Variants in ABI3BP observed in about 807,000 individuals in gnomAD.
ABI3BP encodes target of Nesh-SH3.
A neutral mutation model predicts 268.6 loss-of-function variants in ABI3BP; 216 were observed. The observed-to-expected ratio is 0.80, with a 90% confidence interval of 0.72 to 0.90. The LOEUF (loss-of-function observed/expected upper bound fraction) is 0.90. Ranked by LOEUF, ABI3BP falls within the 40% of genes least tolerant of loss-of-function variation. The pLI, the probability that ABI3BP is intolerant of heterozygous loss-of-function variation, is 0.00. For synonymous variants in ABI3BP, 730 were observed against 730.0 expected (o/e 1.00, Z 0.00); for missense variants, 2,090 against 2,182.4 (o/e 0.96, Z 0.84).
Position 100,911,768 on chromosome 3 carries a change from T to C in ABI3BP, c.260-9082A>G, listed in dbSNP as rs556513422. ...TCAGTCGATGAGTAGCGTAGCTTTCTGTTATTATACTTGGTGTTAATAGCA... is the reference window on the plus strand; with the variant it reads ...TCAGTCGATGAGTAGCGTAGCTTTCCGTTATTATACTTGGTGTTAATAGCA... On this transcript the variant is annotated intron_variant, in intron 2 of 67. Transcript: ENST00000471714. 2.9e-5 allele frequency: 31 copies of C among 1,078,848 alleles called. No individual in the cohort carries two copies. The East Asian group carries it at 6.4e-4, about 22-fold the overall frequency. The allele number at this position is 1,078,848 out of a possible 1,614,324, so 66.8% of individuals were successfully genotyped here. A position where few individuals can be genotyped will look rare whatever the true frequency, so the allele number is the denominator to read the frequency against.
chr3:100,756,970 C>CTG (rs1266700072), intron 63 of ABI3BP, among the ~76,000 whole-genome samples: 6 of 143,624 alleles, frequency 4.2e-5, no homozygotes, highest in African/African-American at 1.2e-4. Flanking sequence ...AGATGAATGA[C>CTG]ATCATAGGTC....
At position 100,821,085 on chromosome 3, in the gene ABI3BP, T is replaced by A; in HGVS notation, c.2916A>T (p.Thr972=). 1 of 1,535,960 alleles carries A rather than the reference T, an allele frequency of 6.5e-7. No homozygotes were observed. Among genetic ancestry groups the A allele is most frequent in the Non-Finnish European group, 8.7e-7 (1 of 1,146,780 alleles). Residue 972 remains threonine, a synonymous_variant, in exon 39 of 68, where the codon ACA becomes ACT. Transcript: ENST00000471714. ...TTGTCACCCAAGTCTCAGTTCTGAGTGTAACAGGTTTGAGCTCCGCAGTAG... is the reference window on the plus strand; with the variant it reads ...TTGTCACCCAAGTCTCAGTTCTGAGAGTAACAGGTTTGAGCTCCGCAGTAG... ...PVPTAELKPV[T]LRTETWVTTQ...
rs73861803 is a variant in ABI3BP at position 100,991,450 on chromosome 3, G to A, written c.79+1856C>T. Among the ~76,000 whole-genome samples the A allele has an allele frequency of 4.5e-3, 687 of 152,250 alleles. 8 individuals are homozygous for A. Among genetic ancestry groups the A allele is most frequent in the African/African-American group, 0.015 (614 of 41,528 alleles). ...TTGTACAGGTTTCTTTATTGAGAATGTGCAAACTGCTAACACTTATTGTGA... is the reference window on the plus strand; with the variant it reads ...TTGTACAGGTTTCTTTATTGAGAATATGCAAACTGCTAACACTTATTGTGA... On this transcript the variant is annotated intron_variant, in intron 1 of 67. Transcript: ENST00000471714.
intron 55 of ABI3BP, among the ~76,000 whole-genome samples, chr3:100,792,153 A>G (rs2097213298): frequency 6.6e-6 from 1 of 151,934 alleles, no homozygotes; most frequent in Non-Finnish European, 1.5e-5. Context: ...CCCCAAAAGC[A>G]GAAAATCACA....
intron 1 of ABI3BP, among the ~76,000 whole-genome samples, chr3:100,991,481 C>G (rs1400763501): frequency 6.6e-6 from 1 of 152,018 alleles, no homozygotes; most frequent in East Asian, 1.9e-4. Context: ...TGTGATTCCC[C>G]CCTTAAAGAC....
At chr3:100,777,305 G>C (rs1308588045) in intron 59 of ABI3BP, among the ~76,000 whole-genome samples, 1 of 152,154 alleles carries the variant, frequency 6.6e-6, no homozygotes, top group East Asian at 1.9e-4. Flanking sequence ...AGGAAAGATG[G>C]GGAACATGCT....
intron 6 of ABI3BP, among the ~76,000 whole-genome samples, chr3:100,884,158 A>C (rs987239895): frequency 6.6e-6 from 1 of 152,070 alleles, no homozygotes; most frequent in Non-Finnish European, 1.5e-5. Context: ...TAGTTTTGTT[A>C]TAGGTAACCT....
intron 49 of ABI3BP, among the ~76,000 whole-genome samples, chr3:100,809,292 T>C (rs556983960): frequency 1.3e-5 from 2 of 152,138 alleles, no homozygotes; most frequent in East Asian, 3.9e-4. Flanking sequence ...TAAAATTCTG[T>C]CATTCCAGCA....
chr3:100,990,387 G>T (rs2092722855), intron 1 of ABI3BP, among the ~76,000 whole-genome samples: 1 of 151,846 alleles, frequency 6.6e-6, no homozygotes, highest in African/African-American at 2.4e-5. Flanking sequence ...TAAATAATTT[G>T]ACAAAACTAT....
Position 100,872,680 on chromosome 3 carries a change from A to G in ABI3BP, c.910+2161T>C, listed in dbSNP as rs149694148. ...AGAGAACAGGTTAATGTAAGAGTCC[A>G]GAGCTTTAACTCTTCCAAACACAGA... On this transcript the variant is annotated intron_variant, in intron 9 of 67. Coordinates refer to ENST00000471714, the MANE Select transcript of ABI3BP (RefSeq NM_001375547.2). Among the ~76,000 whole-genome samples, 16 of 152,358 alleles carry G rather than the reference A, an allele frequency of 1.1e-4. No individual in the cohort carries two copies. In the East Asian group the frequency reaches 2.7e-3, roughly 26 times the overall value.
In ABI3BP at chr3:100,898,812, G is replaced by A. The variant is rs2048850617; in HGVS notation, c.411C>T (p.Leu137=). Residue 137 remains leucine (L), a synonymous_variant, in exon 4 of 68, where the codon CTC becomes CTT. Transcript: ENST00000471714. ...ATGTCCAGTCATGGTGTGGGTTGAT[G>A]AGGAAACCCCAGGACAGGAAGACCG... ...PSSVFLSWGF[L]INPHHDWTLP... 6.2e-7 allele frequency: 1 copy of A among 1,613,684 alleles called. No individual in the cohort carries two copies. The highest frequency in any genetic ancestry group is 1.7e-5 in the Admixed American group (1 of 59,990).
intron 4 of ABI3BP, among the ~76,000 whole-genome samples, chr3:100,887,517 T>C (rs976581891): frequency 1.2e-4 from 18 of 152,044 alleles, no homozygotes; most frequent in Admixed American, 3.9e-4. Flanking sequence ...ATGGGGTCAA[T>C]AGGTAAACTT....
chr3:100,834,898 T>A lies in ABI3BP; in HGVS notation c.2192-125A>T, dbSNP rs2098551721. 1.3e-5 allele frequency: 11 copies of A among 863,672 alleles called. No homozygotes were observed. In the East Asian group the frequency reaches 3.0e-4, roughly 23 times the overall value. 53.5% of individuals were successfully genotyped at this position (863,672 alleles called of 1,614,324 possible). The stretch of plus-strand genomic sequence containing the variant: ...GAAATTTGTCTCTTTGGTTTAGAAT[T>A]TTCTTCTGATCATCTATATGCAAAA... On this transcript the variant is annotated intron_variant, in intron 28 of 67. Coordinates refer to ENST00000471714, the MANE Select transcript of ABI3BP (RefSeq NM_001375547.2).
chr3:100,824,152 C>A (rs962136365), intron 36 of ABI3BP, among the ~76,000 whole-genome samples: 3 of 152,184 alleles, frequency 2.0e-5, no homozygotes, highest in Middle Eastern at 6.3e-3. Context: ...ATCTAAGCTT[C>A]TGAATCAGGT....
At chr3:100,894,943 AAAAAAAAAAAAAAAAAAAAAAAAACAG>A (rs1224126603) in intron 4 of ABI3BP, among the ~76,000 whole-genome samples, 1 of 100,328 alleles carries the variant, frequency 1.0e-5, no homozygotes, top group Non-Finnish European at 2.3e-5. Context: ...CGCTTCAAAA[AAAAAAAAAAAAAAAAAAAAAAAAACAG>A]AAAAAAAAAA....
In ABI3BP at chr3:100,775,389, T is replaced by A. The variant is rs2096670219; in HGVS notation, c.4334-54A>T. 3 of 1,551,912 alleles carry A rather than the reference T, an allele frequency of 1.9e-6. No homozygotes were observed. The South Asian group carries it at 3.6e-5, about 19-fold the overall frequency. The stretch of plus-strand genomic sequence containing the variant: ...TTTATAGGAACACTGCCAAGTTTCC[T>A]ATAAACATTTATTTATTCCATAAAT... On this transcript the variant is annotated intron_variant, in intron 59 of 67. Transcript: ENST00000471714.
At chr3:100,937,391 C>A (rs541028312) in intron 1 of ABI3BP, among the ~76,000 whole-genome samples, 1 of 152,054 alleles carries the variant, frequency 6.6e-6, no homozygotes, top group East Asian at 1.9e-4. Flanking sequence ...AAAGCAGTGC[C>A]AAACTAGAAA....
chr3:100,977,646 T>A (rs1407843356), intron 1 of ABI3BP, among the ~76,000 whole-genome samples: 1 of 152,200 alleles, frequency 6.6e-6, no homozygotes, highest in East Asian at 1.9e-4. Context: ...AACTGCAATG[T>A]CCTTTATGAT....
Position 100,780,193 on chromosome 3 carries a change from G to A in ABI3BP, c.4179C>T (p.Pro1393=), listed in dbSNP as rs1334966306. 6.2e-7 allele frequency: 1 copy of A among 1,612,700 alleles called. No homozygotes were observed. Among genetic ancestry groups the A allele is most frequent in the South Asian group, 1.1e-5 (1 of 90,966 alleles). Residue 1393 remains proline, a synonymous_variant, in exon 58 of 68, where the codon CCC becomes CCT. Transcript: ENST00000471714. ...NGVGTGVKQA[P]RPSGADRNVS... is the part of the protein sequence containing the mutation. ...CATTTCTATCAGCACCTGATGGCCT[G>A]GGTGCTTGCTTGACCCCTATGAGCA...
Sources: allele counts gnomAD v4.1 joint callset (sites outside exome capture counted in the v4.1 genomes callset), GRCh38; gene constraint gnomAD v4.1.1; transcripts MANE v1.5; gene names NCBI Gene and HGNC (gene_info 2026-07-23, HGNC 2026-07-21).